PFKM: variants seen among roughly 807,000 people sequenced by gnomAD.
PFKM encodes the protein ATP-dependent 6-phosphofructokinase, muscle type.
Under a neutral mutation model 95.5 loss-of-function variants are expected in PFKM, and 58 were observed. That is an observed-to-expected ratio of 0.61 (90% CI 0.49 to 0.76). PFKM has a LOEUF of 0.76. Among genes scored for constraint, PFKM ranks in the 30% least tolerant of loss-of-function variants. The pLI is 0.00. For synonymous variants in PFKM, 336 were observed against 357.2 expected, an observed-to-expected ratio of 0.94 and a Z score of 0.67; for missense variants, 678 against 1,005.4, an observed-to-expected ratio of 0.67 and a Z score of 4.40.
chr12:48,120,103 C>T (rs1948097538), intron 1 of PFKM, among the ~76,000 whole-genome samples: 1 of 152,112 alleles, frequency 6.6e-6, no homozygotes, highest in East Asian at 1.9e-4. Context: ...TTTTCCTTTC[C>T]ACCTTTTTGC....
chr12:48,116,326 A>C (rs952541998), upstream of PFKM, among the ~76,000 whole-genome samples: 4 of 148,424 alleles, frequency 2.7e-5, no homozygotes, highest in African/African-American at 1.0e-4. Flanking sequence ...GATAATAGCC[A>C]TCCTAATGGA....
At chr12:48,122,891 T>C in intron 2 of PFKM, 32 bp downstream of exon 2, 1 of 1,598,094 alleles carries the variant, frequency 6.3e-7, no homozygotes, top group Non-Finnish European at 8.6e-7. Flanking sequence ...ACATGGCTGG[T>C]GGGACTTTTG....
intron 2 of PFKM, among the ~76,000 whole-genome samples, chr12:48,127,566 T>C (rs1049852166): frequency 3.9e-5 from 6 of 152,212 alleles, no homozygotes; most frequent in African/African-American, 1.4e-4. Flanking sequence ...GTTTCCTAGA[T>C]GTCTTCTGTC....
chr12:48,140,229 C>G (rs952958721), intron 13 of PFKM, among the ~76,000 whole-genome samples: 1 of 152,228 alleles, frequency 6.6e-6, no homozygotes, highest in African/African-American at 2.4e-5. Context: ...ATAATCACAT[C>G]TAAGTGTATC....
intron 3 of PFKM, chr12:48,108,329 T>G: frequency 1.5e-6 from 1 of 681,558 alleles, no homozygotes; most frequent in South Asian, 3.1e-5. Flanking sequence ...TCTGTGTGTG[T>G]GTGAAACAGA....
intron 3 of PFKM, among the ~76,000 whole-genome samples, chr12:48,108,426 A>G (rs1946899896): frequency 6.6e-6 from 1 of 152,120 alleles, no homozygotes; most frequent in African/African-American, 2.4e-5. Flanking sequence ...CATCTGGGAA[A>G]TTGTAGGGAA....
rs1010032674 is a variant in PFKM, at chr12:48,139,325, A to C, written c.1103A>C (p.Asp368Ala). ...VTKAMDEKKF[D>A]EALKLRGRSF... Reference sequence around the variant, plus strand: ...AAGGCCATGGATGAGAAGAAATTTGACGAAGCCCTGAAGCTGAGAGGCCGG... The same window carrying C: ...AAGGCCATGGATGAGAAGAAATTTGCCGAAGCCCTGAAGCTGAGAGGCCGG... The change falls in exon 12 of 23, where the codon GAC becomes GCC. Residue 368 changes from aspartate to alanine, a missense_variant. By Grantham distance (126) the Asp-to-Ala change is moderately radical. Coordinates refer to ENST00000359794, the MANE Select transcript of PFKM (RefSeq NM_000289.6). 2 of 1,613,740 alleles carry C rather than the reference A, an allele frequency of 1.2e-6. No individual in the cohort carries two copies. Among genetic ancestry groups the C allele is most frequent in the East Asian group, 2.2e-5 (1 of 44,874 alleles).
In PFKM at chr12:48,133,060, AAG is replaced by A; in HGVS notation, c.427+8_427+9del. 6.2e-7 allele frequency: 1 copy of A among 1,613,776 alleles called. No individual in the cohort carries two copies. Among genetic ancestry groups the A allele is most frequent in the Non-Finnish European group, 8.5e-7 (1 of 1,179,680 alleles). ...GTTGAGTGACCTCCAGAAAGCAGGT[AAG>A]AGAGTTTTCACATCAGTATTGCTTA... is the stretch of plus-strand genomic sequence containing the variant. On this transcript the variant is annotated splice_donor_5th_base_variant and intron_variant, in intron 5 of 22. Transcript: ENST00000359794.
In PFKM at chr12:48,146,239, C is replaced by T. The variant is rs1407076491; in HGVS notation, c.*531C>T. ...GTGGAGGAAGGGATTATCTCTAGTA[C>T]ACTACTTGCTGGCTGTCTGAAAAAT... On this transcript the variant is annotated 3_prime_UTR_variant, in exon 23 of 23. Transcript: ENST00000359794. 1 of 165,496 alleles carries T rather than the reference C, an allele frequency of 6.0e-6. No homozygotes were observed. The highest frequency in any genetic ancestry group is 2.4e-5 in the African/African-American group (1 of 41,574). The allele number at this position is 165,496 out of a possible 1,614,324, so 10.3% of individuals were successfully genotyped here. A position where few individuals can be genotyped will look rare whatever the true frequency, so the allele number is the denominator to read the frequency against.
upstream of PFKM, chr12:48,118,681 C>T: frequency 1.4e-6 from 1 of 699,658 alleles, no homozygotes; most frequent in Non-Finnish European, 2.5e-6. Context: ...GTTTGCTTCA[C>T]TGCCAGAATC....
chr12:48,144,180 G>A (rs762123155), intron 20 of PFKM, 23 bp downstream of exon 20: 1 of 1,484,242 alleles, frequency 6.7e-7, no homozygotes, highest in Non-Finnish European at 9.4e-7. Context: ...CCGTAGTCAT[G>A]CCCTTCATCA....
At chr12:48,122,079 G>A (rs1325898052) in intron 1 of PFKM, among the ~76,000 whole-genome samples, 1 of 152,118 alleles carries the variant, frequency 6.6e-6, no homozygotes, top group Non-Finnish European at 1.5e-5. Context: ...AGTAATGTGA[G>A]GGGCAAGACC....
intron 1 of PFKM, chr12:48,122,565 T>C: frequency 7.1e-7 from 1 of 1,416,266 alleles, no homozygotes; most frequent in African/African-American, 1.4e-5. Flanking sequence ...TTGGGCTTGA[T>C]TACATGACAT....
chr12:48,144,966 G>A, intron 20 of PFKM, 65 bp from the exon 21 acceptor site: 1 of 1,135,904 alleles, frequency 8.8e-7, no homozygotes, highest in Non-Finnish European at 1.3e-6. Flanking sequence ...TTCTCTGTGT[G>A]TCTAGATATC....
chr12:48,141,720 C>T lies in PFKM; in HGVS notation c.1413-20C>T, dbSNP rs771066629. On this transcript the variant is annotated intron_variant, in intron 15 of 22. Coordinates refer to ENST00000359794, the MANE Select transcript of PFKM (RefSeq NM_000289.6). ...AAATTCCAATTCCCCTTCCCCTCCC[C>T]GCCATCACTGATCAACTAGGACTCT... 25 of 1,567,650 alleles carry T rather than the reference C, an allele frequency of 1.6e-5. No homozygotes were observed. Among genetic ancestry groups the T allele is most frequent in the Middle Eastern group, 1.7e-4 (1 of 6,006 alleles).
chr12:48,141,296 G>T lies in PFKM; in HGVS notation c.1342-15G>T, dbSNP rs1158846922. On this transcript the variant is annotated splice_polypyrimidine_tract_variant and intron_variant, in intron 14 of 22. Coordinates refer to ENST00000359794, the MANE Select transcript of PFKM (RefSeq NM_000289.6). ...GCTTTAGCCTTGTGCAGAGCTCTGT[G>T]GCTTATCCCCACAGATAGAGGAAGC... The T allele has an allele frequency of 6.2e-7, 1 of 1,613,402 alleles. No individual in the cohort carries two copies.
chr12:48,145,318 G>A lies in PFKM; in HGVS notation c.2198+3G>A, dbSNP rs372906459. 1.2e-5 allele frequency: 19 copies of A among 1,606,312 alleles called. No individual in the cohort carries two copies. The highest frequency in any genetic ancestry group is 2.2e-5 in the East Asian group (1 of 44,856). On this transcript the variant is annotated splice_donor_region_variant and intron_variant, in intron 22 of 22. Transcript: ENST00000359794. This position sits in a 1 kb window ranked among gnomAD's most constrained non-coding sequence, Gnocchi z 4.3. ...CTGAAGGACCAGACAGATTTTGAGT[G>A]AGTACATCTGCTTCCTGGAGTGGTT...
rs1338307660 is a variant in PFKM at position 48,139,031 on chromosome 12, A to C, written c.1063-254A>C. Among the ~76,000 whole-genome samples the C allele has an allele frequency of 4.6e-5, 7 of 152,068 alleles. No homozygotes were observed. In the South Asian group the frequency reaches 1.5e-3, roughly 32 times the overall value. ...ACTCCAGCCTGGGCGACAGAGCGAG[A>C]CTCCGTCTCAAAAAAAAAATAAAAT... On this transcript the variant is annotated intron_variant, in intron 11 of 22. Transcript: ENST00000359794.
chr12:48,121,020 G>A (rs1220830483), intron 1 of PFKM, among the ~76,000 whole-genome samples: 1 of 152,194 alleles, frequency 6.6e-6, no homozygotes, highest in African/African-American at 2.4e-5. Flanking sequence ...GTGTGGTGGT[G>A]CATGTCTGTA....
Sources: allele counts gnomAD v4.1 joint callset (sites outside exome capture counted in the v4.1 genomes callset), GRCh38; gene constraint gnomAD v4.1.1; non-coding constraint Gnocchi (gnomAD v3.1); transcripts MANE v1.5; gene names NCBI Gene and HGNC (gene_info 2026-07-23, HGNC 2026-07-21).